Variants in SLC6A17 observed in about 807,000 individuals in gnomAD.
SLC6A17 encodes sodium-dependent neutral amino acid transporter SLC6A17.
In SLC6A17, 21 loss-of-function variants were observed where a neutral mutation model predicts 64.5. That is an observed-to-expected ratio of 0.33 (90% CI 0.23 to 0.47). SLC6A17 has a LOEUF of 0.47. Ranked by LOEUF, SLC6A17 falls within the 20% of genes least tolerant of loss-of-function variation. The pLI is 1.00. For missense variants in SLC6A17, 682 were observed against 963.2 expected, an observed-to-expected ratio of 0.71 and a Z score of 3.86; for synonymous variants, 372 against 399.5, an observed-to-expected ratio of 0.93 and a Z score of 0.82.
chr1:110,173,899 G>A, intron 3 of SLC6A17, 74 bp from the exon 4 acceptor site: 3 of 1,530,944 alleles, frequency 2.0e-6, no homozygotes, highest in Admixed American at 3.9e-5. Context: ...CGACGTGCTG[G>A]GCCTCGGGTG....
At chr1:110,156,161 C>T (rs1020003349) in intron 1 of SLC6A17, among the ~76,000 whole-genome samples, 7 of 152,222 alleles carry the variant, frequency 4.6e-5, no homozygotes, top group Non-Finnish European at 8.8e-5. Context: ...CTCCACATAA[C>T]AGCTGAAAGG....
intron 6 of SLC6A17, among the ~76,000 whole-genome samples, chr1:110,185,008 A>G (rs966166407): frequency 1.3e-5 from 2 of 152,004 alleles, no homozygotes; most frequent in African/African-American, 4.8e-5. Context: ...CCAGGGGTGG[A>G]GGTTAGGGGT....
chr1:110,161,233 G>A (rs1415276474), intron 1 of SLC6A17, among the ~76,000 whole-genome samples: 1 of 152,218 alleles, frequency 6.6e-6, no homozygotes, highest in Non-Finnish European at 1.5e-5. Flanking sequence ...TAAAAGCTCA[G>A]GGGCTCTGAG....
Position 110,173,898 on chromosome 1 carries a change from G to GAATT in SLC6A17, c.445-75_445-74insAATT. 3.3e-6 allele frequency: 5 copies of GAATT among 1,529,224 alleles called. No individual in the cohort carries two copies. The South Asian group carries it at 4.0e-5, about 12-fold the overall frequency. The allele number at this position is 1,529,224 out of a possible 1,614,324, so 94.7% of individuals were successfully genotyped here. On this transcript the variant is annotated intron_variant, in intron 3 of 11. Coordinates refer to ENST00000331565, the MANE Select transcript of SLC6A17 (RefSeq NM_001010898.4). ...GTGTTTATGGCGCTGCCGACGTGCT[G>GAATT]GGCCTCGGGTGGAGCGTGGGGGCAG...
chr1:110,176,840 T>TA, intron 6 of SLC6A17, 101 bp downstream of exon 6: 2 of 1,015,280 alleles, frequency 2.0e-6, no homozygotes, highest in Non-Finnish European at 3.0e-6. Flanking sequence ...TCCGAACACC[T>TA]GCTATGTGTT....
chr1:110,195,816 G>T, intron 10 of SLC6A17, 71 bp downstream of exon 10: 3 of 1,585,888 alleles, frequency 1.9e-6, no homozygotes, highest in Non-Finnish European at 1.7e-6. Flanking sequence ...TGGAGAGGCA[G>T]ATCATAGAGT....
In SLC6A17 at chr1:110,173,391, T is replaced by G. The variant is rs375505363; in HGVS notation, c.445-582T>G. On this transcript the variant is annotated intron_variant, in intron 3 of 11. Coordinates refer to ENST00000331565, the MANE Select transcript of SLC6A17 (RefSeq NM_001010898.4). ...AAACATTGCTTTCAAAGAAGCCCCT[T>G]GGACCCTCAGGCAGAGTCCATGCAC... Among the ~76,000 whole-genome samples the G allele has an allele frequency of 1.7e-4, 26 of 152,306 alleles. No homozygotes were observed. In the South Asian group the frequency reaches 5.4e-3, roughly 32 times the overall value.
rs1657116043 is a variant in SLC6A17, at chr1:110,201,063, T to A, written c.*2619T>A. On this transcript the variant is annotated 3_prime_UTR_variant, in exon 12 of 12. Transcript: ENST00000331565. The stretch of plus-strand genomic sequence containing the variant: ...GGGCGTTAAGGGAAAAAAAAAATCC[T>A]CAAATTTATTTACCAGTCAGCTTCT... 6.6e-6 allele frequency: 1 copy of A among 152,068 alleles called. No individual in the cohort carries two copies. Among genetic ancestry groups the A allele is most frequent in the African/African-American group, 2.4e-5 (1 of 41,392 alleles). The allele number at this position is 152,068 out of a possible 1,614,324, so 9.4% of individuals were successfully genotyped here. A position where few individuals can be genotyped will look rare whatever the true frequency, so the allele number is the denominator to read the frequency against.
intron 6 of SLC6A17, among the ~76,000 whole-genome samples, chr1:110,188,165 AG>A (rs1347865033): frequency 3.9e-5 from 6 of 152,264 alleles, no homozygotes. Context: ...TATGTAATTA[AG>A]TAGCATATGC....
chr1:110,161,102 C>T (rs900225372), intron 1 of SLC6A17, among the ~76,000 whole-genome samples: 3 of 152,198 alleles, frequency 2.0e-5, no homozygotes, highest in African/African-American at 7.2e-5. Flanking sequence ...GGGCAGCAGC[C>T]TCCAAGTCAA....
intron 1 of SLC6A17, among the ~76,000 whole-genome samples, chr1:110,164,526 C>T (rs1655995020): frequency 6.6e-6 from 1 of 152,238 alleles, no homozygotes; most frequent in Non-Finnish European, 1.5e-5. Context: ...ATGACTGCAG[C>T]CCAGCCCAGT....
chr1:110,192,054 T>C lies in SLC6A17; in HGVS notation c.947T>C (p.Val316Ala), dbSNP rs1403124095. ...FFALGLGFGGVIAFSSYNKQD... is the reference protein window; with the variant it reads ...FFALGLGFGGAIAFSSYNKQD... ...GCCTTGGGCCTGGGCTTTGGTGGTGTCATTGCCTTCTCCAGCTACAATAAG... is the reference window on the plus strand; with the variant it reads ...GCCTTGGGCCTGGGCTTTGGTGGTGCCATTGCCTTCTCCAGCTACAATAAG... Residue 316 changes from valine (V) to alanine (A), a missense_variant, in exon 7 of 12, where the codon GTC becomes GCC. Coordinates refer to ENST00000331565, the MANE Select transcript of SLC6A17 (RefSeq NM_001010898.4). This position sits in a 1 kb window ranked among gnomAD's most constrained non-coding sequence, Gnocchi z 4.3. 2 of 1,614,172 alleles carry C rather than the reference T, an allele frequency of 1.2e-6. No individual in the cohort carries two copies. The highest frequency in any genetic ancestry group is 1.7e-6 in the Non-Finnish European group (2 of 1,180,016).
chr1:110,191,936 C>A, intron 6 of SLC6A17, 36 bp from the exon 7 acceptor site: 1 of 1,600,380 alleles, frequency 6.2e-7, no homozygotes, highest in South Asian at 1.1e-5. Context: ...CCCTCTGTGT[C>A]TCTTTTCTTC....
At chr1:110,172,382 A>AGCT in intron 3 of SLC6A17, 165 bp downstream of exon 3, 1 of 868,632 alleles carries the variant, frequency 1.2e-6, no homozygotes, top group Non-Finnish European at 1.7e-6. Flanking sequence ...CCAGGACCCC[A>AGCT]GTCACCATGT....
At chr1:110,194,062 A>C (rs1047964282) in intron 8 of SLC6A17, among the ~76,000 whole-genome samples, 9 of 151,950 alleles carry the variant, frequency 5.9e-5, no homozygotes, top group Non-Finnish European at 1.0e-4. Context: ...TTAAAAAAAA[A>C]CTCTGACACC....
At chr1:110,162,113 C>T (rs1414401487) in intron 1 of SLC6A17, among the ~76,000 whole-genome samples, 1 of 152,242 alleles carries the variant, frequency 6.6e-6, no homozygotes, top group East Asian at 1.9e-4. Context: ...TGGAGGCACT[C>T]CTTTCAGAGA....
At chr1:110,160,021 CTG>C (rs986726014) in intron 1 of SLC6A17, among the ~76,000 whole-genome samples, 1 of 152,208 alleles carries the variant, frequency 6.6e-6, no homozygotes, top group African/African-American at 2.4e-5. Flanking sequence ...CCCGACAAAT[CTG>C]TGAAATGGAA....
chr1:110,174,813 T>C lies in SLC6A17; in HGVS notation c.606T>C (p.Thr202=). Residue 202 remains threonine, a synonymous_variant, in exon 5 of 12, where the codon ACT becomes ACC. Coordinates refer to ENST00000331565, the MANE Select transcript of SLC6A17 (RefSeq NM_001010898.4). The part of the protein sequence containing the change: ...VEAECEKSSA[T]TYFWYREALD... The stretch of plus-strand genomic sequence containing the variant: ...CAGAGTGTGAAAAGAGCTCAGCCAC[T>C]ACCTACTTCTGGTACCGAGAGGCCT... 1.2e-6 allele frequency: 2 copies of C among 1,614,190 alleles called. No individual in the cohort carries two copies. The highest frequency in any genetic ancestry group is 2.2e-5 in the South Asian group (2 of 91,074).
At chr1:110,197,170 G>A (rs1009196952) in intron 10 of SLC6A17, among the ~76,000 whole-genome samples, 2 of 152,194 alleles carry the variant, frequency 1.3e-5, no homozygotes, top group African/African-American at 4.8e-5. Flanking sequence ...TAAAACAGAC[G>A]TGCACCTGCC....
Sources: gnomAD v4.1 joint callset for allele counts (sites outside exome capture counted in the v4.1 genomes callset) on GRCh38, gnomAD v4.1.1 for gene constraint, Gnocchi (gnomAD v3.1) non-coding constraint, MANE v1.5 for transcripts, NCBI Gene and HGNC (gene_info 2026-07-23, HGNC 2026-07-21) for gene names.